BCAS3: variants seen among roughly 807,000 people sequenced by gnomAD.
BCAS3 encodes BCAS3 microtubule associated cell migration factor.
Under a neutral mutation model 116.1 loss-of-function variants are expected in BCAS3, and 53 were observed. That is an observed-to-expected ratio of 0.46 (90% CI 0.37 to 0.57). The LOEUF (loss-of-function observed/expected upper bound fraction) is 0.57, where lower values mean the gene tolerates loss of function less well. Among genes scored for constraint, BCAS3 ranks in the 20% least tolerant of loss-of-function variants. BCAS3 has a pLI of 0.00. For missense variants in BCAS3, 917 were observed against 1,165.4 expected (o/e 0.79, Z 3.10); for synonymous variants, 391 against 408.2 (o/e 0.96, Z 0.51).
intron 19 of BCAS3, among the ~76,000 whole-genome samples, chr17:61,069,094 T>A (rs1188403258): frequency 1.3e-5 from 2 of 151,078 alleles, no homozygotes; most frequent in African/African-American, 4.9e-5. Context: ...TAACCCACAA[T>A]TAAAAAACAA....
rs2144217960 is a variant in BCAS3 at position 61,189,700 on chromosome 17, AG to A, written c.2425+105137del. ...TGGTGACTGGATATCAGTCATGAGG[AG>A]AAGGGGGAAGAGTTTAATATAAATC... On this transcript the variant is annotated intron_variant, in intron 22 of 23. Transcript: ENST00000407086. The surrounding 1 kb of genome is among the most constrained non-coding windows in gnomAD (Gnocchi z 4.5). Among the ~76,000 whole-genome samples, 1 of 152,324 alleles carries A rather than the reference AG, an allele frequency of 6.6e-6. No homozygotes were observed. The highest frequency in any genetic ancestry group is 2.4e-5 in the African/African-American group (1 of 41,576).
At chr17:61,330,887 C>T (rs1296088461) in intron 22 of BCAS3, among the ~76,000 whole-genome samples, 1 of 152,200 alleles carries the variant, frequency 6.6e-6, no homozygotes, top group African/African-American at 2.4e-5. Context: ...TCTCTGCCAG[C>T]GTTGACATCC....
At chr17:60,757,394 A>ATATGTGTGTG (rs2043110893) in intron 6 of BCAS3, among the ~76,000 whole-genome samples, 7 of 136,608 alleles carry the variant, frequency 5.1e-5, no homozygotes, top group African/African-American at 1.9e-4. Flanking sequence ...CAGCATGTAT[A>ATATGTGTGTG]TGTGTGTGTG....
At chr17:60,901,541 T>G (rs2057895328) in intron 10 of BCAS3, among the ~76,000 whole-genome samples, 1 of 152,198 alleles carries the variant, frequency 6.6e-6, no homozygotes, top group South Asian at 2.1e-4. Context: ...ATTTAAGCAG[T>G]CATTCAGTGT....
At chr17:61,357,965 G>A (rs1222115694) in intron 22 of BCAS3, among the ~76,000 whole-genome samples, 4 of 151,776 alleles carry the variant, frequency 2.6e-5, no homozygotes, top group South Asian at 2.1e-4. Flanking sequence ...GCACATGCCT[G>A]TAATCCCAGC....
chr17:61,038,135 G>A lies in BCAS3; in HGVS notation c.1928+81G>A, dbSNP rs140237849. The A allele has an allele frequency of 2.3e-6, 3 of 1,283,388 alleles. No homozygotes were observed. The African/African-American group carries it at 4.5e-5, about 19-fold the overall frequency. The allele number at this position is 1,283,388 out of a possible 1,614,324, so 79.5% of individuals were successfully genotyped here. A position where few individuals can be genotyped will look rare whatever the true frequency, so the allele number is the denominator to read the frequency against. On this transcript the variant is annotated intron_variant, in intron 18 of 23. Transcript: ENST00000407086. ...AAAAGCGTATAATTTGATAAGTTTT[G>A]ACATGCATACAGCTACGAAATCATC...
chr17:60,915,744 G>A (rs1041997245), intron 12 of BCAS3, among the ~76,000 whole-genome samples: 9 of 149,912 alleles, frequency 6.0e-5, no homozygotes, highest in Admixed American at 1.3e-4. Context: ...GTGCAGTGGC[G>A]CGATCTTGGC....
rs184535190 is a variant in BCAS3 at position 61,199,439 on chromosome 17, A to C, written c.2425+114875A>C. The stretch of plus-strand genomic sequence containing the variant: ...CTACAAATTACCTCCCCTAGTTTAA[A>C]GGCAAATAGTAGCTATCACAACCAA... On this transcript the variant is annotated intron_variant, in intron 22 of 23. Transcript: ENST00000407086. The surrounding 1 kb of genome is among the most constrained non-coding windows in gnomAD (Gnocchi z 4.6). Among the ~76,000 whole-genome samples, 11 of 152,354 alleles carry C rather than the reference A, an allele frequency of 7.2e-5. No individual in the cohort carries two copies. The highest frequency in any genetic ancestry group is 2.0e-4 in the Admixed American group (3 of 15,304).
rs1460564620 is a variant in BCAS3, at chr17:60,910,594, T to C, written c.885T>C (p.Pro295=). The stretch of plus-strand genomic sequence containing the variant: ...TGACTCAGCTGACAGGCACACTGCC[T>C]TCAGGTGTGACAGAAGATGATGTTG... ...KVVTQLTGTL[P]SGVTEDDVAI... The change falls in exon 12 of 24, where the codon CCT becomes CCC. Residue 295 remains proline, a synonymous_variant. Coordinates refer to ENST00000407086, the MANE Select transcript of BCAS3 (RefSeq NM_017679.5). The C allele has an allele frequency of 1.2e-6, 2 of 1,613,224 alleles. No homozygotes were observed. The highest frequency in any genetic ancestry group is 1.7e-6 in the Non-Finnish European group (2 of 1,179,696).
At position 61,084,444 on chromosome 17, in the gene BCAS3, A is replaced by G. The variant is rs188684878; in HGVS notation, c.2328-23A>G. 1.9e-6 allele frequency: 3 copies of G among 1,582,122 alleles called. No homozygotes were observed. In the Admixed American group the frequency reaches 5.6e-5, roughly 30 times the overall value. On this transcript the variant is annotated intron_variant, in intron 21 of 23. Coordinates refer to ENST00000407086, the MANE Select transcript of BCAS3 (RefSeq NM_017679.5). The surrounding 1 kb of genome is among the most constrained non-coding windows in gnomAD (Gnocchi z 5.5). ...AGTTTTGATGCCAGTAACATATGTG[A>G]ATTAAATTAAATTGCATTGCAGGAT...
Position 61,037,910 on chromosome 17 carries a change from T to C in BCAS3, c.1784T>C (p.Val595Ala). 9 of 1,614,122 alleles carry C rather than the reference T, an allele frequency of 5.6e-6. No individual in the cohort carries two copies. Among genetic ancestry groups the C allele is most frequent in the Non-Finnish European group, 7.6e-6 (9 of 1,179,978 alleles). ...REKDQSKQVV[V>A]ESLYIISCYG... ...GTAGATCAGTCCAAACAAGTTGTAG[T>C]TGAGTCCCTGTACATTATCAGTTGC... The change falls in exon 18 of 24, where the codon GTT (valine) becomes GCT (alanine). Residue 595 changes from valine (V) to alanine (A), a missense_variant. Physicochemically the swap from Val to Ala is moderately conservative, Grantham distance 64. Transcript: ENST00000407086. The surrounding 1 kb of genome is among the most constrained non-coding windows in gnomAD (Gnocchi z 4.7).
At chr17:60,770,600 G>A (rs1171423887) in intron 6 of BCAS3, among the ~76,000 whole-genome samples, 2 of 150,292 alleles carry the variant, frequency 1.3e-5, no homozygotes, top group Admixed American at 1.3e-4. Context: ...TGTATTTTTA[G>A]TAGAGACAAG....
chr17:61,016,039 T>A (rs2065430722), intron 16 of BCAS3, 138 bp downstream of exon 16: 1 of 920,764 alleles, frequency 1.1e-6, no homozygotes, highest in Non-Finnish European at 1.6e-6. Flanking sequence ...GGCATCAGAT[T>A]AAGTACAAAG....
chr17:60,865,563 C>T (rs2054522717), intron 7 of BCAS3, among the ~76,000 whole-genome samples: 1 of 152,150 alleles, frequency 6.6e-6, no homozygotes, highest in Non-Finnish European at 1.5e-5. Context: ...CTTTCAGTTT[C>T]AAATTGTTCA....
chr17:60,916,779 A>G (rs1317095608), intron 12 of BCAS3, among the ~76,000 whole-genome samples: 3 of 152,232 alleles, frequency 2.0e-5, no homozygotes, highest in Admixed American at 2.0e-4. Context: ...ACAGAAGGGG[A>G]GAAAATATTT....
At chr17:61,336,373 G>A (rs1372561919) in intron 22 of BCAS3, among the ~76,000 whole-genome samples, 3 of 152,118 alleles carry the variant, frequency 2.0e-5, no homozygotes, top group African/African-American at 7.2e-5. Flanking sequence ...TTAGTTCTTG[G>A]ATATTAAATA....
intron 5 of BCAS3, among the ~76,000 whole-genome samples, chr17:60,724,771 A>T: frequency 6.7e-6 from 1 of 149,112 alleles, no homozygotes. Context: ...TTTTACCTTT[A>T]GGTTTAAGAT....
In BCAS3 at chr17:61,101,425, A is replaced by G. The variant is rs1366709522; in HGVS notation, c.2425+16861A>G. ...GGAATACCAGTGTTTGAAACTCACA[A>G]TTCACTCTATAGTGGGGAGTGGGGG... On this transcript the variant is annotated intron_variant, in intron 22 of 23. Coordinates refer to ENST00000407086, the MANE Select transcript of BCAS3 (RefSeq NM_017679.5). 2.6e-5 allele frequency among the ~76,000 whole-genome samples: 4 copies of G among 152,152 alleles called. No homozygotes were observed. In the East Asian group the frequency reaches 7.7e-4, roughly 29 times the overall value.
chr17:61,125,515 T>C (rs968578225), intron 22 of BCAS3, among the ~76,000 whole-genome samples: 1 of 152,198 alleles, frequency 6.6e-6, no homozygotes, highest in Non-Finnish European at 1.5e-5. Flanking sequence ...TGCTTTGTTA[T>C]GGCTTTTAGA....
Sources: allele counts gnomAD v4.1 joint callset (sites outside exome capture counted in the v4.1 genomes callset), GRCh38; gene constraint gnomAD v4.1.1; non-coding constraint Gnocchi (gnomAD v3.1); transcripts MANE v1.5; gene names NCBI Gene and HGNC (gene_info 2026-07-23, HGNC 2026-07-21).